CACNA1S: variants seen among roughly 807,000 people sequenced by gnomAD.
CACNA1S encodes voltage-dependent L-type calcium channel subunit alpha-1S.
In CACNA1S, 126 loss-of-function variants were observed where a neutral mutation model predicts 207.4. The observed-to-expected ratio is 0.61, with a 90% CI of 0.53 to 0.70. The LOEUF is 0.70. CACNA1S is among the 30% of genes least tolerant of loss of function. CACNA1S has a pLI of 0.00. For missense variants in CACNA1S, 2,349 were observed against 2,422.8 expected (o/e 0.97, Z 0.64); for synonymous variants, 960 against 932.7 (o/e 1.03, Z -0.53).
intron 17 of CACNA1S, 90 bp downstream of exon 17, chr1:201,070,182 G>A (rs1661398750): frequency 4.4e-6 from 6 of 1,366,808 alleles, no homozygotes; most frequent in Non-Finnish European, 5.2e-6. Context: ...TATAACTGTA[G>A]GCATGGAGAG....
At chr1:201,111,595 C>T (rs1179951838) in intron 1 of CACNA1S, among the ~76,000 whole-genome samples, 2 of 152,126 alleles carry the variant, frequency 1.3e-5, no homozygotes, top group African/African-American at 4.8e-5. Context: ...TGGCTCTGTC[C>T]TCAGCTGGGA....
intron 5 of CACNA1S, among the ~76,000 whole-genome samples, chr1:201,091,402 G>GGT (rs1002836149): frequency 2.6e-5 from 4 of 152,124 alleles, no homozygotes; most frequent in Non-Finnish European, 5.9e-5. Context: ...TGGGGCAGGG[G>GGT]GGTGACGGTG....
At chr1:201,081,493 G>A (rs1253230374) in intron 10 of CACNA1S, among the ~76,000 whole-genome samples, 3 of 152,190 alleles carry the variant, frequency 2.0e-5, no homozygotes, top group Admixed American at 6.5e-5. Flanking sequence ...CCATGTGGAC[G>A]AGGCCGACTC....
At position 201,085,436 on chromosome 1, in the gene CACNA1S, C is replaced by A. The variant is rs1316899617; in HGVS notation, c.1150G>T (p.Gly384Ter). 1 of 1,613,790 alleles carries A rather than the reference C, an allele frequency of 6.2e-7. No individual in the cohort carries two copies. Among genetic ancestry groups the A allele is most frequent in the Non-Finnish European group, 8.5e-7 (1 of 1,180,000 alleles). Reference protein sequence around the residue: ...EVMDVEDFREGKLSLDEGGSD... With the variant: ...EVMDVEDFRE ...CTGACCACAGCCTTTGGGCCCAAACCTTCTCTGAAGTCCTCAACATCCATG... is the reference window on the plus strand; with the variant it reads ...CTGACCACAGCCTTTGGGCCCAAACATTCTCTGAAGTCCTCAACATCCATG... The change falls in exon 8 of 44, where the codon GGA becomes TGA. Residue 384 changes from glycine to a stop codon, truncating the protein, a stop_gained and splice_region_variant. Transcript: ENST00000362061. LOFTEE classifies it high-confidence loss of function.
chr1:201,085,079 G>C, intron 8 of CACNA1S, 48 bp from the exon 9 acceptor site: 1 of 1,362,564 alleles, frequency 7.3e-7, no homozygotes, highest in South Asian at 1.2e-5. Flanking sequence ...GCCCCTCTGG[G>C]CTGGACACAC....
At chr1:201,075,355 C>G (rs578038063) in intron 13 of CACNA1S, 140 bp downstream of exon 13, 17 of 903,270 alleles carry the variant, frequency 1.9e-5, no homozygotes, top group East Asian at 1.2e-4. Context: ...TGTCCTACCC[C>G]CTACCGCATG....
At position 201,075,680 on chromosome 1, in the gene CACNA1S, G is replaced by T. The variant is rs563113326; in HGVS notation, c.1828-65C>A. The T allele has an allele frequency of 1.3e-3, 1,994 of 1,553,864 alleles. 26 individuals carry two copies. The highest frequency in any genetic ancestry group is 5.8e-4 in the Non-Finnish European group (654 of 1,127,406). On this transcript the variant is annotated intron_variant, in intron 12 of 43. Transcript: ENST00000362061. ...GGCCTGAGAGTCTTCTATTGGGACCGCATTGACCGAAGTTCTCCTCCAACT... is the reference window on the plus strand; with the variant it reads ...GGCCTGAGAGTCTTCTATTGGGACCTCATTGACCGAAGTTCTCCTCCAACT...
intron 17 of CACNA1S, 38 bp downstream of exon 17, chr1:201,070,234 C>T (rs532015638): frequency 3.6e-5 from 58 of 1,612,366 alleles, no homozygotes; most frequent in African/African-American, 3.3e-4. Flanking sequence ...AGATGAGAGC[C>T]GCATCAATCA....
At chr1:201,078,923 C>T (rs1661736440) in intron 10 of CACNA1S, among the ~76,000 whole-genome samples, 1 of 152,014 alleles carries the variant, frequency 6.6e-6, no homozygotes. Flanking sequence ...GAGATCGAGA[C>T]CAGCCTGACC....
At chr1:201,108,084 T>C (rs4915215) in intron 2 of CACNA1S, among the ~76,000 whole-genome samples, 70,010 of 151,408 alleles carry the variant, frequency 0.46, 16,646 homozygotes, top group East Asian at 0.82. Context: ...GGATGGAAGA[T>C]GACATAACCA....
chr1:201,048,147 G>A (rs1214669243), intron 36 of CACNA1S, among the ~76,000 whole-genome samples: 1 of 152,198 alleles, frequency 6.6e-6, no homozygotes, highest in Non-Finnish European at 1.5e-5. Context: ...ACAATACTGA[G>A]ACCCCACCCT....
Position 201,089,428 on chromosome 1 carries a change from G to C in CACNA1S, c.730C>G (p.Pro244Ala). Residue 244 changes from proline to alanine, a missense_variant, in exon 6 of 44, where the codon CCC becomes GCC. Physicochemically the swap from Pro to Ala is conservative, Grantham distance 27 (BLOSUM62 -1). Coordinates refer to ENST00000362061, the MANE Select transcript of CACNA1S (RefSeq NM_000069.3). ...VATVENEEPSPCARTGSGRRC... is the reference protein window; with the variant it reads ...VATVENEEPSACARTGSGRRC... ...CGCCCTGAGCCCGTCCTGGCGCAGG[G>C]CGATGGCTCTTCATTCTCCACCGTG... 1 of 1,614,130 alleles carries C rather than the reference G, an allele frequency of 6.2e-7. No individual in the cohort carries two copies.
At chr1:201,069,861 C>T (rs758509514) in intron 17 of CACNA1S, among the ~76,000 whole-genome samples, 3 of 152,172 alleles carry the variant, frequency 2.0e-5, no homozygotes, top group Non-Finnish European at 2.9e-5. Context: ...TATGGCACCA[C>T]CCTGAGGTTT....
chr1:201,083,172 G>C lies in CACNA1S; in HGVS notation c.1383C>G (p.Thr461=), dbSNP rs144920422. The C allele has an allele frequency of 1.1e-4, 181 of 1,614,122 alleles. No individual in the cohort carries two copies. In the Middle Eastern group the frequency reaches 1.8e-3, roughly 16 times the overall value. Residue 461 remains threonine, a synonymous_variant, in exon 10 of 44, where the codon ACC becomes ACG. Coordinates refer to ENST00000362061, the MANE Select transcript of CACNA1S (RefSeq NM_000069.3). ...TCCGTTCCGCCTCACCTTGCAAACGGGTCAGCCAGAGAGGCTGGTTGTGGT... is the reference window on the plus strand; with the variant it reads ...TCCGTTCCGCCTCACCTTGCAAACGCGTCAGCCAGAGAGGCTGGTTGTGGT... ...SEHHNQPLWL[T]RLQDIANRVL... is the part of the protein sequence containing the mutation.
chr1:201,051,833 G>A (rs1420741000), intron 32 of CACNA1S, among the ~76,000 whole-genome samples: 3 of 152,200 alleles, frequency 2.0e-5, no homozygotes, highest in Non-Finnish European at 2.9e-5. Flanking sequence ...GTGGCCTCGG[G>A]TTTGGAGTTG....
chr1:201,063,514 C>T (rs1484998534), intron 22 of CACNA1S, among the ~76,000 whole-genome samples: 2 of 152,062 alleles, frequency 1.3e-5, no homozygotes, highest in South Asian at 2.1e-4. Context: ...GTTTTGAACT[C>T]CCAACCTCAA....
Position 201,040,005 on chromosome 1 carries a change from A to G in CACNA1S, c.5448T>C (p.Asp1816=). 2 of 1,614,236 alleles carry G rather than the reference A, an allele frequency of 1.2e-6. No homozygotes were observed. Among genetic ancestry groups the G allele is most frequent in the Non-Finnish European group, 1.7e-6 (2 of 1,180,032 alleles). Residue 1816 remains aspartate (D), a synonymous_variant, in exon 44 of 44, where the codon GAT becomes GAC. Transcript: ENST00000362061. Reference sequence around the variant, plus strand: ...CTTCCTCTGGTTCCATTTGGCAGGCATCTGCCAGGGCCTGGCCTGTTGCCA... The same window carrying G: ...CTTCCTCTGGTTCCATTTGGCAGGCGTCTGCCAGGGCCTGGCCTGTTGCCA... ...FIMATGQALA[D]ACQMEPEEVE...
chr1:201,108,105 A>ATT (rs61596637), intron 2 of CACNA1S, among the ~76,000 whole-genome samples: 94 of 138,888 alleles, frequency 6.8e-4, no homozygotes, highest in African/African-American at 2.1e-3. Context: ...TTAAGATGTA[A>ATT]TTTTTTTTTT....
chr1:201,079,147 A>T (rs1320964995), intron 10 of CACNA1S, among the ~76,000 whole-genome samples: 1 of 145,752 alleles, frequency 6.9e-6, no homozygotes, highest in Non-Finnish European at 1.5e-5. Context: ...AAAACCCAAG[A>T]CTCTCCCATT....
Sources: gnomAD v4.1 joint callset for allele counts (sites outside exome capture counted in the v4.1 genomes callset) on GRCh38, gnomAD v4.1.1 for gene constraint, MANE v1.5 for transcripts, NCBI Gene and HGNC (gene_info 2026-07-23, HGNC 2026-07-21) for gene names.